RYR3: variants seen among roughly 807,000 people sequenced by gnomAD.
The protein encoded by RYR3 is brain ryanodine receptor-calcium release channel.
RYR3 carries 207 observed loss-of-function variants against 584.3 expected under a neutral mutation model. That is an observed-to-expected ratio of 0.35 (90% CI 0.32 to 0.40). The LOEUF is 0.40. Ranked by LOEUF, RYR3 falls within the 10% of genes least tolerant of loss-of-function variation. RYR3 has a pLI of 1.00. For synonymous variants in RYR3, 2,416 were observed against 2,248.5 expected (o/e 1.07, Z -2.11); for missense variants, 5,616 against 6,089.2 (o/e 0.92, Z 2.59).
rs368925275 is a variant in RYR3 at position 33,660,399 on chromosome 15, C to T, written c.4598C>T (p.Ala1533Val). 17 of 1,571,498 alleles carry T rather than the reference C, an allele frequency of 1.1e-5. No individual in the cohort carries two copies. The African/African-American group carries it at 1.2e-4, about 11-fold the overall frequency. ...TGCCTGGAGCCCCTGCAGATGATGG[C>T]GCTCCACATCCCCGAGGAGAACAGG... is the stretch of plus-strand genomic sequence containing the variant. ...VQCLEPLQMM[A>V]LHIPEENRCV... The change falls in exon 34 of 104, where the codon GCG (alanine) becomes GTG (valine). Residue 1533 changes from alanine to valine, a missense_variant. Around this residue, in one of 9 missense-constraint regions of RYR3, gnomAD observed 753 missense variants for 741.0 expected, o/e 1.02. Transcript: ENST00000634891.
intron 88 of RYR3, 102 bp from the exon 89 acceptor site, chr15:33,837,529 C>G (rs2152979677): frequency 7.7e-7 from 1 of 1,296,802 alleles, no homozygotes; most frequent in East Asian, 2.5e-5. Flanking sequence ...GAAGAGCTGA[C>G]TAATTTGGCA....
At chr15:33,588,580 A>T (rs561810869) in intron 16 of RYR3, among the ~76,000 whole-genome samples, 2 of 152,122 alleles carry the variant, frequency 1.3e-5, no homozygotes, top group Non-Finnish European at 2.9e-5. Context: ...CATTGTACTC[A>T]TTAAGCAATT....
chr15:33,861,465 C>T (rs1888180937), intron 102 of RYR3, among the ~76,000 whole-genome samples: 2 of 146,522 alleles, frequency 1.4e-5, no homozygotes, highest in Non-Finnish European at 3.0e-5. Flanking sequence ...CTTCTTCTAT[C>T]ACCATATAAA....
In RYR3 at chr15:33,838,336, A is replaced by T; in HGVS notation, c.12356A>T (p.Asp4119Val). The change falls in exon 89 of 104, where the codon GAT becomes GTT. Residue 4119 changes from aspartate to valine, a missense_variant. Around this residue, in one of 9 missense-constraint regions of RYR3, gnomAD observed 258 missense variants for 297.3 expected, o/e 0.87. Transcript: ENST00000634891. ...DRPEEEEEDE[D>V]SSYVLEIAGE... Reference sequence around the variant, plus strand: ...CCAGAAGAGGAGGAAGAAGATGAAGATTCTTCTTACGTGTTAGAAATTGCG... The same window carrying T: ...CCAGAAGAGGAGGAAGAAGATGAAGTTTCTTCTTACGTGTTAGAAATTGCG... 4 of 1,614,018 alleles carry T rather than the reference A, an allele frequency of 2.5e-6. No homozygotes were observed. Among genetic ancestry groups the T allele is most frequent in the Non-Finnish European group, 3.4e-6 (4 of 1,179,894 alleles).
At chr15:33,581,373 C>A in intron 13 of RYR3, 135 bp from the exon 14 acceptor site, 1 of 863,486 alleles carries the variant, frequency 1.2e-6, no homozygotes, top group Non-Finnish European at 1.8e-6. Context: ...ACAAACCCAA[C>A]TGGCACCATG....
rs1290458174 is a variant in RYR3 at position 33,859,707 on chromosome 15, G to A, written c.14275G>A (p.Val4759Ile). The A allele has an allele frequency of 6.2e-7, 1 of 1,611,270 alleles. No homozygotes were observed. ...FDITFFFFVI[V>I]ILLAIIQGLI... ...CATTACCTTTTTCTTCTTCGTCATT[G>A]TCATCTTGCTGGCCATCATTCAAGG... Residue 4759 changes from valine to isoleucine, a missense_variant, in exon 100 of 104, where the codon GTC becomes ATC. By Grantham distance (29) the Val-to-Ile change is conservative. Transcript: ENST00000634891.
intron 2 of RYR3, among the ~76,000 whole-genome samples, chr15:33,494,576 C>T (rs766206487): frequency 3.3e-5 from 5 of 152,132 alleles, no homozygotes; most frequent in Non-Finnish European, 7.4e-5. Context: ...TATTGCATTT[C>T]TGTGGTTTAT....
At chr15:33,361,740 A>G (rs1974793423) in intron 1 of RYR3, among the ~76,000 whole-genome samples, 1 of 152,214 alleles carries the variant, frequency 6.6e-6, no homozygotes, top group African/African-American at 2.4e-5. Context: ...CAAATGAGCC[A>G]GTGATACCCA....
intron 67 of RYR3, among the ~76,000 whole-genome samples, chr15:33,800,333 AAGTGTCC>A (rs2075854275): frequency 6.6e-6 from 1 of 152,226 alleles, no homozygotes; most frequent in African/African-American, 2.4e-5. Context: ...TGACAATGAC[AAGTGTCC>A]AGGACCAGGT....
intron 1 of RYR3, among the ~76,000 whole-genome samples, chr15:33,325,538 T>G (rs1408317379): frequency 1.3e-5 from 2 of 151,794 alleles, no homozygotes; most frequent in Non-Finnish European, 2.9e-5. Flanking sequence ...ATCTACAGCT[T>G]CTTCTGAGCC....
rs772233938 is a variant in RYR3 at position 33,729,016 on chromosome 15, C to G, written c.7193C>G (p.Ser2398Cys). Residue 2398 changes from serine to cysteine, a missense_variant, in exon 47 of 104, where the codon TCT (serine) becomes TGT (cysteine). Physicochemically the swap from Ser to Cys is moderately radical, Grantham distance 112. This residue lies in a region of RYR3 where 1,280 missense variants were observed against 1,426.2 expected (regional missense o/e 0.90). Transcript: ENST00000634891. ...GFLPDLRASA[S>C]LDTVSLSTTE... The stretch of plus-strand genomic sequence containing the variant: ...TTACCTGACCTAAGAGCTTCTGCCT[C>G]TCTAGATACAGTAAGTTGCAAAAAT... The G allele has an allele frequency of 3.1e-6, 5 of 1,612,900 alleles. No individual in the cohort carries two copies. Among genetic ancestry groups the G allele is most frequent in the Non-Finnish European group, 3.4e-6 (4 of 1,179,644 alleles).
chr15:33,845,009 A>G lies in RYR3; in HGVS notation c.13444A>G (p.Ile4482Val), dbSNP rs1166906680. ...YMAPTLRALA[I>V]IHTIISLVCV... ...GGCACCAACCCTGCGTGCCCTGGCC[A>G]TCATCCATACCATCATCTCTCTAGT... is the stretch of plus-strand genomic sequence containing the variant. Residue 4482 changes from isoleucine (I) to valine (V), a missense_variant, in exon 93 of 104, where the codon ATC becomes GTC. Ile to Val is a conservative substitution (Grantham distance 29). Coordinates refer to ENST00000634891, the MANE Select transcript of RYR3 (RefSeq NM_001036.6). 1.2e-6 allele frequency: 2 copies of G among 1,614,022 alleles called. No individual in the cohort carries two copies. Among genetic ancestry groups the G allele is most frequent in the Admixed American group, 1.7e-5 (1 of 60,030 alleles).
At chr15:33,698,106 G>T in intron 40 of RYR3, 110 bp downstream of exon 40, 1 of 737,912 alleles carries the variant, frequency 1.4e-6, no homozygotes, top group Admixed American at 1.9e-5. Flanking sequence ...TCTCTTCCAG[G>T]GAGAGGAAGG....
At position 33,381,284 on chromosome 15, in the gene RYR3, G is replaced by A. The variant is rs546768526; in HGVS notation, c.51+70188G>A. On this transcript the variant is annotated intron_variant, in intron 1 of 103. Transcript: ENST00000634891. ...TTACAGATAAAGAGGCAGATCCAGA[G>A]CAGTGAGGTGATTTGCTCGAGGTGA... 2.0e-4 allele frequency among the ~76,000 whole-genome samples: 30 copies of A among 152,270 alleles called. 1 individual carries two copies. The highest frequency in any genetic ancestry group is 7.2e-4 in the African/African-American group (30 of 41,562).
chr15:33,746,032 G>C lies in RYR3; in HGVS notation c.7900-36G>C, dbSNP rs370886077. Reference sequence around the variant, plus strand: ...TGGGTCACATAGCGGGGTTCTTTGCGTGCCAAGGATATTTGAACTGAGAAC... The same window carrying C: ...TGGGTCACATAGCGGGGTTCTTTGCCTGCCAAGGATATTTGAACTGAGAAC... On this transcript the variant is annotated intron_variant, in intron 52 of 103. Coordinates refer to ENST00000634891, the MANE Select transcript of RYR3 (RefSeq NM_001036.6). 1.2e-3 allele frequency: 1,775 copies of C among 1,429,994 alleles called. 1 individual carries two copies. Among genetic ancestry groups the C allele is most frequent in the Non-Finnish European group, 1.6e-3 (1,629 of 1,031,794 alleles). 88.6% of individuals were successfully genotyped at this position (1,429,994 alleles called of 1,614,324 possible).
chr15:33,778,198 G>A (rs993700355), intron 64 of RYR3, among the ~76,000 whole-genome samples: 2 of 98,090 alleles, frequency 2.0e-5, no homozygotes, highest in Non-Finnish European at 4.9e-5. Context: ...AATAAATAAA[G>A]CTATCAGATT....
intron 17 of RYR3, among the ~76,000 whole-genome samples, chr15:33,602,665 A>G (rs77506677): frequency 0.017 from 2,573 of 151,508 alleles, 30 homozygotes; most frequent in Non-Finnish European, 0.026. Context: ...TTTTGTAATG[A>G]AAATGTTGTC....
intron 12 of RYR3, among the ~76,000 whole-genome samples, chr15:33,572,233 G>A (rs1360085626): frequency 6.6e-6 from 1 of 151,892 alleles, no homozygotes; most frequent in Non-Finnish European, 1.5e-5. Flanking sequence ...TATTGTTTCT[G>A]GTATTTACCT....
chr15:33,351,970 C>T (rs1376797917), intron 1 of RYR3, among the ~76,000 whole-genome samples: 1 of 152,096 alleles, frequency 6.6e-6, no homozygotes, highest in African/African-American at 2.4e-5. Context: ...GTCAAATTGT[C>T]CCTGTTTGCA....
Sources: allele counts gnomAD v4.1 joint callset (sites outside exome capture counted in the v4.1 genomes callset), GRCh38; gene constraint gnomAD v4.1.1; regional missense constraint gnomAD v4.1.1; transcripts MANE v1.5; gene names NCBI Gene and HGNC (gene_info 2026-07-23, HGNC 2026-07-21).